The following CLIP2 variants were observed in gnomAD, a reference collection of about 807,000 sequenced individuals.
CLIP2 encodes CAP-Gly domain containing linker protein 2, also known as CAP-Gly domain-containing linker protein 2.
Under a neutral mutation model 111.7 loss-of-function variants are expected in CLIP2, and 41 were observed. That is an observed-to-expected ratio of 0.37 (90% CI 0.29 to 0.48). CLIP2 has a LOEUF of 0.48. CLIP2 is among the 20% of genes least tolerant of loss of function. CLIP2 has a pLI of 0.99. For missense variants in CLIP2, 1,160 were observed against 1,422.1 expected (o/e 0.82, Z 2.96); for synonymous variants, 660 against 644.2 (o/e 1.02, Z -0.37).
intron 3 of CLIP2, among the ~76,000 whole-genome samples, chr7:74,348,249 G>A (rs1477962110): frequency 6.6e-6 from 1 of 152,020 alleles, no homozygotes; most frequent in Non-Finnish European, 1.5e-5. Context: ...AAAAAGGAGG[G>A]GAGAAAATCA....
intron 1 of CLIP2, among the ~76,000 whole-genome samples, chr7:74,316,957 G>A (rs1788792635): frequency 6.6e-6 from 1 of 152,032 alleles, no homozygotes; most frequent in South Asian, 2.1e-4. Context: ...GGAGCTCACT[G>A]CAGCCTCAAA....
intron 4 of CLIP2, 25 bp downstream of exon 4, chr7:74,354,029 T>C: frequency 6.3e-7 from 1 of 1,593,686 alleles, no homozygotes; most frequent in Non-Finnish European, 8.6e-7. Flanking sequence ...TTCTGGGGAG[T>C]ATGGGAGGGG....
intron 1 of CLIP2, among the ~76,000 whole-genome samples, chr7:74,309,446 C>T (rs562082164): frequency 2.0e-5 from 3 of 152,324 alleles, no homozygotes; most frequent in South Asian, 2.1e-4. Flanking sequence ...TCTGTGTTTC[C>T]AGGCCCAGGC....
chr7:74,307,737 C>T (rs558344565), intron 1 of CLIP2, among the ~76,000 whole-genome samples: 67 of 152,204 alleles, frequency 4.4e-4, no homozygotes, highest in African/African-American at 9.6e-4. Context: ...GTGATCTGCC[C>T]GCCTCAGCCT....
chr7:74,358,017 A>C (rs1554308895), intron 6 of CLIP2, among the ~76,000 whole-genome samples: 1 of 146,458 alleles, frequency 6.8e-6, no homozygotes, highest in Non-Finnish European at 1.5e-5. Context: ...GGCCTCCCAA[A>C]GTGCTGGGAT....
At chr7:74,371,988 A>T (rs1790639708) in intron 8 of CLIP2, among the ~76,000 whole-genome samples, 1 of 152,034 alleles carries the variant, frequency 6.6e-6, no homozygotes, top group South Asian at 2.1e-4. Flanking sequence ...GCCCCTTCAG[A>T]ACTGCCCTGC....
chr7:74,386,798 G>A (rs1298199696), intron 12 of CLIP2, among the ~76,000 whole-genome samples, 194 bp downstream of exon 12: 1 of 152,066 alleles, frequency 6.6e-6, no homozygotes, highest in Non-Finnish European at 1.5e-5. Flanking sequence ...CGAGGCAGGC[G>A]GATCACCTGA....
intron 1 of CLIP2, among the ~76,000 whole-genome samples, chr7:74,310,252 T>C (rs573965419): frequency 6.6e-6 from 1 of 150,604 alleles, no homozygotes; most frequent in South Asian, 2.1e-4. Flanking sequence ...AGACTGGTCA[T>C]GGCGGCTCAA....
At chr7:74,365,033 GTGT>G (rs1790440775) in intron 8 of CLIP2, 4 of 323,864 alleles carry the variant, frequency 1.2e-5, no homozygotes, top group Admixed American at 3.7e-5. Context: ...GTGTGTGTGT[GTGT>G]GTGTGTGTGT....
chr7:74,402,094 CT>C (rs1464518677), intron 16 of CLIP2, among the ~76,000 whole-genome samples: 1 of 152,040 alleles, frequency 6.6e-6, no homozygotes, highest in Non-Finnish European at 1.5e-5. Flanking sequence ...GAAACTCCAT[CT>C]GGCGGGCGGA....
intron 1 of CLIP2, among the ~76,000 whole-genome samples, chr7:74,304,795 ATTAGC>A (rs1416894737): frequency 1.3e-5 from 2 of 151,866 alleles, no homozygotes; most frequent in Non-Finnish European, 2.9e-5. Flanking sequence ...CTTTACATAA[ATTAGC>A]CGGATATGGT....
At chr7:74,320,929 C>A (rs1388548572) in intron 2 of CLIP2, among the ~76,000 whole-genome samples, 2 of 145,804 alleles carry the variant, frequency 1.4e-5, no homozygotes, top group South Asian at 4.5e-4. Flanking sequence ...CCCAGCCCAA[C>A]CCTGGGGCTG....
intron 1 of CLIP2, among the ~76,000 whole-genome samples, chr7:74,314,605 C>T (rs1788720554): frequency 6.6e-6 from 1 of 152,190 alleles, no homozygotes; most frequent in Non-Finnish European, 1.5e-5. Flanking sequence ...CCTGTGTTTC[C>T]GAGGTCCAGA....
intron 12 of CLIP2, 25 bp downstream of exon 12, chr7:74,386,629 A>G: frequency 6.4e-7 from 1 of 1,563,276 alleles, no homozygotes; most frequent in Non-Finnish European, 8.7e-7. Context: ...CGCAGGGCAG[A>G]TGCGGGGGGC....
chr7:74,378,457 G>A (rs572258908), intron 10 of CLIP2, among the ~76,000 whole-genome samples: 1 of 152,268 alleles, frequency 6.6e-6, no homozygotes, highest in African/African-American at 2.4e-5. Flanking sequence ...CCAGAATTTA[G>A]GGGTGGGTGT....
At chr7:74,326,793 C>A (rs1337450635) in intron 2 of CLIP2, among the ~76,000 whole-genome samples, 1 of 150,222 alleles carries the variant, frequency 6.7e-6, no homozygotes, top group South Asian at 2.1e-4. Flanking sequence ...TGTGCCACCA[C>A]GCCTGGCTAA....
intron 1 of CLIP2, among the ~76,000 whole-genome samples, chr7:74,296,788 CAAAAA>C (rs3044389): frequency 1.7e-5 from 2 of 120,158 alleles, no homozygotes; most frequent in Non-Finnish European, 3.3e-5. Flanking sequence ...GATTTTGTCT[CAAAAA>C]AAAAAAAAAA....
At chr7:74,354,977 G>A (rs1277081321) in intron 4 of CLIP2, among the ~76,000 whole-genome samples, 2 of 152,090 alleles carry the variant, frequency 1.3e-5, no homozygotes, top group Non-Finnish European at 2.9e-5. Context: ...TGGGTTAGGA[G>A]GGTCTAAGGC....
intron 1 of CLIP2, among the ~76,000 whole-genome samples, chr7:74,316,382 C>G (rs1304458481): frequency 2.0e-5 from 3 of 151,954 alleles, no homozygotes; most frequent in Non-Finnish European, 4.4e-5. Context: ...GTAGCTGGGA[C>G]TACAGGCATG....
Sources: gnomAD v4.1 joint callset for allele counts (sites outside exome capture counted in the v4.1 genomes callset) on GRCh38, gnomAD v4.1.1 for gene constraint, MANE v1.5 for transcripts, NCBI Gene and HGNC (gene_info 2026-07-23, HGNC 2026-07-21) for gene names.